Variants in NEK5 observed in about 807,000 individuals in gnomAD.
NEK5 encodes the protein serine/threonine-protein kinase Nek5.
Under a neutral mutation model 109.2 loss-of-function variants are expected in NEK5, and 88 were observed. The ratio of observed to expected loss-of-function variants is 0.81; its 90% CI spans 0.68 to 0.96. The LOEUF (loss-of-function observed/expected upper bound fraction) is 0.96, where lower values mean the gene tolerates loss of function less well. Among genes scored for constraint, NEK5 ranks in the 40% least tolerant of loss-of-function variants. The pLI is 0.00. For synonymous variants in NEK5, 283 were observed against 299.9 expected (o/e 0.94, Z 0.58); for missense variants, 834 against 920.7 (o/e 0.91, Z 1.22).
At chr13:52,114,997 T>C (rs1246190859) in intron 4 of NEK5, among the ~76,000 whole-genome samples, 4 of 151,598 alleles carry the variant, frequency 2.6e-5, no homozygotes, top group African/African-American at 9.7e-5. Flanking sequence ...GACTAAAAAT[T>C]CATCATGACA....
chr13:52,122,226 C>A (rs1316680932), intron 3 of NEK5, among the ~76,000 whole-genome samples: 1 of 152,198 alleles, frequency 6.6e-6, no homozygotes, highest in Middle Eastern at 3.2e-3. Flanking sequence ...TTAGCCTCAG[C>A]TCTTTCACTT....
chr13:52,093,131 A>G lies in NEK5; in HGVS notation c.1131T>C (p.Tyr377=), dbSNP rs772872862. 13 of 1,613,674 alleles carry G rather than the reference A, an allele frequency of 8.1e-6. 1 individual carries two copies. In the South Asian group the frequency reaches 1.3e-4, roughly 16 times the overall value. ...MLRRRAHKPS[Y]HPIPQENTGV... is the part of the protein sequence containing the mutation. ...CAGTATTTTCTTGAGGAATAGGGTG[A>G]TAACTTGGTTTGTGGGCTCTCCTCC... Residue 377 remains tyrosine (Y), a synonymous_variant, in exon 13 of 24, where the codon TAT becomes TAC. Transcript: ENST00000684899.
chr13:52,118,124 C>T (rs1955897371), intron 4 of NEK5, among the ~76,000 whole-genome samples: 1 of 152,202 alleles, frequency 6.6e-6, no homozygotes, highest in South Asian at 2.1e-4. Flanking sequence ...CGGTTTTAAT[C>T]AGTAAGGAAC....
chr13:52,128,578 T>G (rs1245570252), intron 1 of NEK5, among the ~76,000 whole-genome samples: 3 of 151,970 alleles, frequency 2.0e-5, no homozygotes, highest in Admixed American at 1.3e-4. Context: ...GGGTGGGAAG[T>G]CGGTACTGGG....
At chr13:52,102,422 G>GGTCACCT in intron 9 of NEK5, 130 bp from the exon 10 acceptor site, 1 of 747,962 alleles carries the variant, frequency 1.3e-6, no homozygotes, top group Non-Finnish European at 2.2e-6. Context: ...GAAGCACTAG[G>GGTCACCT]GTCACCTGTA....
chr13:52,099,702 C>A, intron 12 of NEK5, 41 bp downstream of exon 12: 1 of 1,599,650 alleles, frequency 6.3e-7, no homozygotes, highest in Non-Finnish European at 8.5e-7. Flanking sequence ...AAAGCATATA[C>A]CATAGCTAAA....
chr13:52,082,389 C>T, intron 17 of NEK5: 1 of 1,155,246 alleles, frequency 8.7e-7, no homozygotes, highest in South Asian at 1.6e-5. Context: ...AAAATAAAAG[C>T]ACACTTGGGC....
chr13:52,070,850 C>A (rs1954772823), intron 20 of NEK5, among the ~76,000 whole-genome samples: 4 of 152,184 alleles, frequency 2.6e-5, no homozygotes, highest in Admixed American at 2.6e-4. Context: ...AATTTAGGCA[C>A]CTAGTATGTG....
intron 19 of NEK5, among the ~76,000 whole-genome samples, chr13:52,074,596 C>T (rs1001162095): frequency 6.6e-6 from 1 of 152,034 alleles, no homozygotes; most frequent in African/African-American, 2.4e-5. Context: ...ATTAAGTCCT[C>T]AAAAGCAATT....
intron 11 of NEK5, among the ~76,000 whole-genome samples, chr13:52,101,019 C>T (rs1375388454): frequency 6.6e-6 from 1 of 152,200 alleles, no homozygotes; most frequent in Non-Finnish European, 1.5e-5. Flanking sequence ...ACTTTCACAG[C>T]ATCAAATGAA....
intron 17 of NEK5, among the ~76,000 whole-genome samples, chr13:52,081,452 G>C (rs142452076): frequency 2.6e-5 from 4 of 152,112 alleles, no homozygotes; most frequent in Non-Finnish European, 5.9e-5. Context: ...CTCCTAAATA[G>C]CTGGAACTAT....
At chr13:52,082,277 T>G in intron 17 of NEK5, 1 of 635,722 alleles carries the variant, frequency 1.6e-6, no homozygotes, top group Admixed American at 3.7e-5. Flanking sequence ...ATCGTGCCAT[T>G]GCACTCCAGC....
intron 3 of NEK5, among the ~76,000 whole-genome samples, chr13:52,121,855 G>A (rs539677550): frequency 4.6e-5 from 7 of 151,412 alleles, no homozygotes; most frequent in South Asian, 4.2e-4. Flanking sequence ...CTATTGAATC[G>A]TAGCCAAAAA....
At chr13:52,080,625 G>T (rs1168962870) in intron 17 of NEK5, among the ~76,000 whole-genome samples, 2 of 152,104 alleles carry the variant, frequency 1.3e-5, no homozygotes, top group Non-Finnish European at 2.9e-5. Flanking sequence ...CATGTGCTGT[G>T]TCCACTCAGG....
At chr13:52,094,729 G>A (rs955540470) in intron 12 of NEK5, among the ~76,000 whole-genome samples, 13 of 152,280 alleles carry the variant, frequency 8.5e-5, no homozygotes, top group Middle Eastern at 3.4e-3. Flanking sequence ...AGCCAAGATC[G>A]TACCACTGCA....
At position 52,087,367 on chromosome 13, in the gene NEK5, G is replaced by T. The variant is rs1174984487; in HGVS notation, c.1363C>A (p.Pro455Thr). ...TCCTTCATTTCGTTTTTCCTAAATG[G>T]CAGCTCCTGGAATCTAGGCTCTTCT... ...NGEEPRFQEL[P>T]FRKNEMKEQE... is the part of the protein sequence containing the mutation. The change falls in exon 15 of 24, where the codon CCA becomes ACA. Residue 455 changes from proline to threonine, a missense_variant. Coordinates refer to ENST00000684899, the MANE Select transcript of NEK5 (RefSeq NM_001365552.1). 1 of 1,602,258 alleles carries T rather than the reference G, an allele frequency of 6.2e-7. No homozygotes were observed. The highest frequency in any genetic ancestry group is 8.5e-7 in the Non-Finnish European group (1 of 1,169,936).
intron 17 of NEK5, among the ~76,000 whole-genome samples, chr13:52,079,511 G>A (rs1437569884): frequency 2.0e-5 from 3 of 152,242 alleles, no homozygotes; most frequent in Admixed American, 6.5e-5. Flanking sequence ...TGTGTTGGCC[G>A]GGCTGGTCTC....
chr13:52,063,704 A>G (rs867440499), intron 21 of NEK5, among the ~76,000 whole-genome samples: 196 of 100,744 alleles, frequency 1.9e-3, no homozygotes, highest in Non-Finnish European at 2.0e-3. Context: ...GGGATGTGAG[A>G]AGCGCCTCTG....
rs71088014 is a variant in NEK5, at chr13:52,115,601, CAAAAAAA to C, written c.215-3243_215-3237del. 1.4e-3 allele frequency among the ~76,000 whole-genome samples: 67 copies of C among 49,224 alleles called. 1 individual carries two copies. Among genetic ancestry groups the C allele is most frequent in the Middle Eastern group, 0.018 (1 of 56 alleles). The allele number at this position is 49,224 out of a possible 152,430, so 32.3% of individuals were successfully genotyped here. A position where few individuals can be genotyped will look rare whatever the true frequency, so the allele number is the denominator to read the frequency against. On this transcript the variant is annotated intron_variant, in intron 4 of 23. Transcript: ENST00000684899. ...CCTGGGTGACAGAGTGAGACTCCGT[CAAAAAAA>C]AAAAAAAAAAAAAAAAAAAGAAACT...
Sources: allele counts gnomAD v4.1 joint callset (sites outside exome capture counted in the v4.1 genomes callset), GRCh38; gene constraint gnomAD v4.1.1; transcripts MANE v1.5; gene names NCBI Gene and HGNC (gene_info 2026-07-23, HGNC 2026-07-21).